DCTN1: variants seen among roughly 807,000 people sequenced by gnomAD.
DCTN1 encodes the protein 150 kDa dynein-associated polypeptide.
A neutral mutation model predicts 161.2 loss-of-function variants in DCTN1; 61 were observed. The ratio of observed to expected loss-of-function variants is 0.38; its 90% CI spans 0.31 to 0.47. The LOEUF is 0.47. DCTN1 is among the 20% of genes least tolerant of loss of function. The probability of loss-of-function intolerance (pLI) is 0.99; values close to 1 mark genes in which losing one functional copy is unlikely to be tolerated. For synonymous variants in DCTN1, 653 were observed against 632.4 expected (o/e 1.03, Z -0.49); for missense variants, 1,404 against 1,623.7 (o/e 0.86, Z 2.33).
Position 74,368,883 on chromosome 2 carries a change from G to A in DCTN1, c.1702-3C>T. The A allele has an allele frequency of 6.2e-7, 1 of 1,614,250 alleles. No individual in the cohort carries two copies. Among genetic ancestry groups the A allele is most frequent in the African/African-American group, 1.3e-5 (1 of 75,076 alleles). ...TGCCTCAATTCCATCTCAATTGCCTGTGAGGTGAACAGGGAGGAGGACTCT... is the reference window on the plus strand; with the variant it reads ...TGCCTCAATTCCATCTCAATTGCCTATGAGGTGAACAGGGAGGAGGACTCT... On this transcript the variant is annotated splice_polypyrimidine_tract_variant and splice_region_variant and intron_variant, in intron 15 of 31. Coordinates refer to ENST00000628224, the MANE Select transcript of DCTN1 (RefSeq NM_004082.5).
intron 1 of DCTN1, chr2:74,390,812 C>T (rs1404197850): frequency 9.5e-6 from 2 of 210,394 alleles, no homozygotes; most frequent in Middle Eastern, 7.1e-4. Context: ...TCAAAGCGCA[C>T]TGACCCATAC....
Position 74,361,208 on chromosome 2 carries a change from C to T in DCTN1, c.*291G>A, listed in dbSNP as rs1300763198. 5.4e-6 allele frequency: 3 copies of T among 557,460 alleles called. No homozygotes were observed. The highest frequency in any genetic ancestry group is 1.9e-5 in the African/African-American group (1 of 53,818). The allele number at this position is 557,460 out of a possible 1,614,324, so 34.5% of individuals were successfully genotyped here. A position where few individuals can be genotyped will look rare whatever the true frequency, so the allele number is the denominator to read the frequency against. On this transcript the variant is annotated 3_prime_UTR_variant, in exon 32 of 32. Transcript: ENST00000628224. ...GGGTGAAGTCCTCAATCAAGGGGAC[C>T]TCACTTAACCTTTGGTGGTGGGGTC... is the stretch of plus-strand genomic sequence containing the variant.
In DCTN1 at chr2:74,378,215, C is replaced by T. The variant is rs1362635177; in HGVS notation, c.64G>A (p.Ala22Thr). 1.9e-6 allele frequency: 3 copies of T among 1,611,080 alleles called. No homozygotes were observed. The highest frequency in any genetic ancestry group is 2.5e-6 in the Non-Finnish European group (3 of 1,180,032). The change falls in exon 2 of 32, where the codon GCA becomes ACA. Residue 22 changes from alanine (A) to threonine (T), a missense_variant. Physicochemically the swap from Ala to Thr is moderately conservative, Grantham distance 58. Transcript: ENST00000628224. ...TPSGSRMSAE[A>T]SARPLRVGSR... ...CCCACCCGCAGAGGCCGGGCGCTTG[C>T]CTCCGCACTCATCCTGCTGCCGCTG...
chr2:74,365,407 TG>T (rs1342575543), intron 25 of DCTN1, 107 bp downstream of exon 25: 2 of 1,575,476 alleles, frequency 1.3e-6, no homozygotes, highest in Admixed American at 3.6e-5. Context: ...GTAAAGAAAA[TG>T]GGGAGTCTCA....
intron 5 of DCTN1, 131 bp from the exon 6 acceptor site, chr2:74,374,471 G>A (rs964285685): frequency 2.7e-5 from 41 of 1,538,310 alleles, no homozygotes; most frequent in Admixed American, 4.0e-5. Flanking sequence ...AGGGAAAGGC[G>A]GCGGAGACAG....
At chr2:74,388,924 C>T (rs1240978431) in intron 1 of DCTN1, among the ~76,000 whole-genome samples, 1 of 152,142 alleles carries the variant, frequency 6.6e-6, no homozygotes, top group Non-Finnish European at 1.5e-5. Context: ...ACATCTCTCC[C>T]CTAACCCTCA....
intron 29 of DCTN1, 22 bp downstream of exon 29, chr2:74,362,972 T>C: frequency 6.2e-7 from 1 of 1,608,454 alleles, no homozygotes; most frequent in South Asian, 1.1e-5. Flanking sequence ...TTTATTCATC[T>C]TGGGGGTTGG....
intron 19 of DCTN1, 21 bp from the exon 20 acceptor site, chr2:74,367,128 AATC>A (rs1244700797): frequency 6.2e-7 from 1 of 1,613,866 alleles, no homozygotes; most frequent in African/African-American, 1.3e-5. Context: ...AGAAGCATGC[AATC>A]ATCAGCCCCC....
chr2:74,363,748 T>TGC, intron 26 of DCTN1, 120 bp from the exon 27 acceptor site: 5 of 1,312,176 alleles, frequency 3.8e-6, no homozygotes, highest in Non-Finnish European at 5.4e-6. Context: ...ACCCTTTTCC[T>TGC]AATCATCATA....
intron 1 of DCTN1, among the ~76,000 whole-genome samples, chr2:74,390,352 G>A (rs189876986): frequency 2.2e-4 from 33 of 152,334 alleles, no homozygotes; most frequent in Admixed American, 7.2e-4. Context: ...TTGCAGAGAT[G>A]TATTTCAGCA....
At chr2:74,382,068 C>T (rs757144257), upstream of DCTN1, among the ~76,000 whole-genome samples, 5 of 152,126 alleles carry the variant, frequency 3.3e-5, no homozygotes, top group African/African-American at 7.2e-5. Context: ...CTTTCTACTA[C>T]CCCTCACCAT....
In DCTN1 at chr2:74,367,768, T is replaced by G; in HGVS notation, c.2112A>C (p.Glu704Asp). Residue 704 changes from glutamate (E) to aspartate (D), a missense_variant, in exon 18 of 32, where the codon GAA (glutamate) becomes GAC (aspartate). By Grantham distance (45) the Glu-to-Asp change is conservative (BLOSUM62 2). Around this residue, in one of 9 missense-constraint regions of DCTN1, gnomAD observed 475 missense variants for 489.8 expected, o/e 0.97. Transcript: ENST00000628224. ...CATCCAGCTGATCCTTGTGCAGCAG[T>G]TCAATGAGGAAATCCAAGGAGCGCT... ...AHERSLDFLI[E>D]LLHKDQLDET... 1 of 1,614,114 alleles carries G rather than the reference T, an allele frequency of 6.2e-7. No homozygotes were observed. Among genetic ancestry groups the G allele is most frequent in the Non-Finnish European group, 8.5e-7 (1 of 1,180,014 alleles).
In DCTN1 at chr2:74,371,629, T is replaced by C; in HGVS notation, c.553A>G (p.Thr185Ala). The change falls in exon 8 of 32, where the codon ACC becomes GCC. Residue 185 changes from threonine to alanine, a missense_variant. Physicochemically the swap from Thr to Ala is moderately conservative, Grantham distance 58. This residue lies in a region of DCTN1 where 174 missense variants were observed against 175.6 expected (regional missense o/e 0.99). Transcript: ENST00000628224. Reference protein sequence around the residue: ...AGELSSSEPSTPAQTPLAAPI... With the variant: ...AGELSSSEPSAPAQTPLAAPI... ...GCTGCCAGCGGAGTCTGAGCCGGGG[T>C]GCTGGGCTCACTGCTGCTCAGCTCA... 1.3e-6 allele frequency: 2 copies of C among 1,590,708 alleles called. No individual in the cohort carries two copies. The highest frequency in any genetic ancestry group is 1.7e-6 in the Non-Finnish European group (2 of 1,169,734).
Position 74,370,167 on chromosome 2 carries a change from GGGGCT to G in DCTN1, c.1287+14_1287+18del. The G allele has an allele frequency of 6.2e-7, 1 of 1,613,674 alleles. No homozygotes were observed. Among genetic ancestry groups the G allele is most frequent in the South Asian group, 1.1e-5 (1 of 91,080 alleles). ...GAGTCAGGTGGGGGATTCTGGGTGA[GGGGCT>G]GGGCTCCCCAGACCTGCTCCTTGAG... On this transcript the variant is annotated intron_variant, in intron 12 of 31. Coordinates refer to ENST00000628224, the MANE Select transcript of DCTN1 (RefSeq NM_004082.5). This position sits in a 1 kb window ranked among gnomAD's most constrained non-coding sequence, Gnocchi z 4.4.
At chr2:74,390,948 C>G (rs986132483) in intron 1 of DCTN1, among the ~76,000 whole-genome samples, 4 of 152,208 alleles carry the variant, frequency 2.6e-5, no homozygotes, top group African/African-American at 7.2e-5. Context: ...ATTCTACATA[C>G]CATACCCCCA....
At chr2:74,391,815 GC>G in exon 1 of DCTN1, 1 of 453,836 alleles carries the variant, frequency 2.2e-6, no homozygotes, top group South Asian at 1.6e-5. Context: ...GGGGCTCCGC[GC>G]CCAGCTCCGA....
chr2:74,368,066 AG>A lies in DCTN1; in HGVS notation c.1919del (p.Pro640LeufsTer21), dbSNP rs1558938791. On this transcript the variant is annotated frameshift_variant, in exon 17 of 32. Transcript: ENST00000628224. LOFTEE classifies it high-confidence loss of function. ...GCTCCCCAGCAGCTCCTCGCAGCCC[AG>A]GCCGCTCTGAACAGTTCTCACTTAG... ...FELSENCSERPGLRGAAGEQL... is the reference protein window; with the variant it reads ...FELSENCSERXGLRGAAGEQL... 1 of 1,612,240 alleles carries A rather than the reference AG, an allele frequency of 6.2e-7. No individual in the cohort carries two copies. The highest frequency in any genetic ancestry group is 8.5e-7 in the Non-Finnish European group (1 of 1,179,066).
Position 74,371,174 on chromosome 2 carries a change from C to T in DCTN1, c.648G>A (p.Glu216=), listed in dbSNP as rs1463227298. The change falls in exon 9 of 32, where the codon GAG becomes GAA. Residue 216 remains glutamate (E), a splice_region_variant and synonymous_variant. Coordinates refer to ENST00000628224, the MANE Select transcript of DCTN1 (RefSeq NM_004082.5). The part of the protein sequence containing the change: ...AVPPLPSPSK[E]EEGLRAQVRD... ...GCACCTGAGCCCTTAGTCCCTCCTC[C>T]TCCTGCAAAGGAGAGGCCTCACGGT... 1.9e-6 allele frequency: 3 copies of T among 1,613,440 alleles called. No homozygotes were observed. Among genetic ancestry groups the T allele is most frequent in the East Asian group, 2.2e-5 (1 of 44,890 alleles).
upstream of DCTN1, among the ~76,000 whole-genome samples, chr2:74,384,547 T>C (rs933589267): frequency 3.9e-5 from 6 of 152,152 alleles, no homozygotes; most frequent in South Asian, 1.2e-3. Context: ...GTCTGATAAA[T>C]AATAATCTCT....
Sources: gnomAD v4.1 joint callset for allele counts (sites outside exome capture counted in the v4.1 genomes callset) on GRCh38, gnomAD v4.1.1 for gene constraint, gnomAD v4.1.1 regional missense constraint, Gnocchi (gnomAD v3.1) non-coding constraint, MANE v1.5 for transcripts, NCBI Gene and HGNC (gene_info 2026-07-23, HGNC 2026-07-21) for gene names.